TUB: variants seen among roughly 807,000 people sequenced by gnomAD.
The protein encoded by TUB is TUB bipartite transcription factor.
In TUB, 33 loss-of-function variants were observed where a neutral mutation model predicts 59.7. That is an observed-to-expected ratio of 0.55 (90% CI 0.42 to 0.74). The LOEUF is 0.74. Among genes scored for constraint, TUB ranks in the 30% least tolerant of loss-of-function variants. TUB has a pLI of 0.00. For missense variants in TUB, 659 were observed against 672.0 expected (o/e 0.98, Z 0.21); for synonymous variants, 293 against 256.4 (o/e 1.14, Z -1.36).
At chr11:8,045,607 T>C (rs1942819010) in intron 2 of TUB, among the ~76,000 whole-genome samples, 2 of 152,208 alleles carry the variant, frequency 1.3e-5, no homozygotes, top group African/African-American at 4.8e-5. Context: ...GAAGGGCTCA[T>C]TGGAGCATTT....
chr11:8,094,291 C>T (rs1441730381), intron 4 of TUB, 102 bp downstream of exon 4: 2 of 1,409,926 alleles, frequency 1.4e-6, no homozygotes, highest in South Asian at 1.5e-5. Flanking sequence ...ATAGGATGAA[C>T]AGCCTCAGGG....
At chr11:8,049,600 T>G (rs1292662567) in intron 2 of TUB, among the ~76,000 whole-genome samples, 1 of 148,880 alleles carries the variant, frequency 6.7e-6, no homozygotes, top group Admixed American at 6.7e-5. Context: ...GATAGATAGA[T>G]AGATACACAC....
At chr11:8,096,619 A>C in intron 5 of TUB, 66 bp from the exon 6 acceptor site, 1 of 1,047,234 alleles carries the variant, frequency 9.5e-7, no homozygotes, top group Non-Finnish European at 1.5e-6. Flanking sequence ...GTATGTGACC[A>C]TGTGTATTTC....
intron 1 of TUB, among the ~76,000 whole-genome samples, chr11:8,021,902 C>T (rs113622397): frequency 0.039 from 5,543 of 141,484 alleles, 146 homozygotes; most frequent in Non-Finnish European, 0.057. Context: ...GGCAACAGAG[C>T]GAGACTCCAG....
intron 2 of TUB, among the ~76,000 whole-genome samples, chr11:8,066,178 C>T (rs999355935): frequency 2.0e-5 from 3 of 152,182 alleles, no homozygotes; most frequent in African/African-American, 2.4e-5. Flanking sequence ...CTGCAGTTCT[C>T]TCCTCTAGCC....
chr11:8,095,508 G>T lies in TUB; in HGVS notation c.408G>T (p.Gly136=). 6 of 1,610,036 alleles carry T rather than the reference G, an allele frequency of 3.7e-6. No individual in the cohort carries two copies. Among genetic ancestry groups the T allele is most frequent in the Non-Finnish European group, 5.1e-6 (6 of 1,178,012 alleles). The change falls in exon 5 of 12, where the codon GGG becomes GGT. Residue 136 remains glycine, a synonymous_variant. Transcript: ENST00000299506. ...EKKGKHKGTS[G]PAALAEDKSE... is the part of the protein sequence containing the mutation. ...GTCCGTGGCCTGCAGGCACCAGCGG[G>T]CCAGCAGCACTGGCAGAAGACAAGT... is the stretch of plus-strand genomic sequence containing the variant.
At chr11:8,022,600 A>G (rs970432706) in intron 1 of TUB, among the ~76,000 whole-genome samples, 5 of 152,142 alleles carry the variant, frequency 3.3e-5, no homozygotes, top group African/African-American at 1.2e-4. Flanking sequence ...TAAAATAACA[A>G]CTGTTTTGGC....
At chr11:8,096,021 C>A (rs1186218020) in intron 5 of TUB, among the ~76,000 whole-genome samples, 1 of 152,216 alleles carries the variant, frequency 6.6e-6, no homozygotes, top group Non-Finnish European at 1.5e-5. Flanking sequence ...ACAAGCCCTG[C>A]CCTAGGGAGC....
intron 1 of TUB, among the ~76,000 whole-genome samples, chr11:8,025,914 T>C (rs1330499106): frequency 6.6e-6 from 1 of 152,198 alleles, no homozygotes; most frequent in African/African-American, 2.4e-5. Flanking sequence ...GGTTGGACCA[T>C]TTTATATTCT....
chr11:8,098,645 C>A, intron 8 of TUB, 113 bp from the exon 9 acceptor site: 1 of 767,702 alleles, frequency 1.3e-6, no homozygotes, highest in Non-Finnish European at 2.2e-6. Flanking sequence ...CCTGGGCCTG[C>A]TCCTGTTCCA....
At chr11:8,070,400 A>G (rs1291472684) in intron 2 of TUB, among the ~76,000 whole-genome samples, 1 of 152,050 alleles carries the variant, frequency 6.6e-6, no homozygotes, top group Non-Finnish European at 1.5e-5. Flanking sequence ...TGTAAATGAG[A>G]TCTTTTTCAT....
At chr11:8,059,978 G>A (rs989258394) in intron 2 of TUB, 2 of 152,606 alleles carry the variant, frequency 1.3e-5, no homozygotes, top group Admixed American at 1.3e-4. Context: ...GCGAGATGAG[G>A]AGGGTTAGGG....
chr11:8,030,581 G>A (rs1328413275), intron 1 of TUB, among the ~76,000 whole-genome samples: 1 of 152,202 alleles, frequency 6.6e-6, no homozygotes, highest in Non-Finnish European at 1.5e-5. Context: ...GTGTTGGGGA[G>A]TGGGGTTCAG....
At chr11:8,099,274 A>G (rs934141706) in intron 9 of TUB, among the ~76,000 whole-genome samples, 2 of 152,042 alleles carry the variant, frequency 1.3e-5, no homozygotes, top group East Asian at 3.9e-4. Context: ...GGTAGATCCT[A>G]TTTTCTTTAT....
intron 1 of TUB, among the ~76,000 whole-genome samples, chr11:8,089,355 C>T (rs568187183): frequency 5.9e-5 from 9 of 152,228 alleles, no homozygotes; most frequent in South Asian, 2.1e-4. Flanking sequence ...GGGTCTCATC[C>T]GGTATTTACT....
intron 9 of TUB, among the ~76,000 whole-genome samples, chr11:8,099,652 CAG>C (rs2133897033): frequency 6.6e-6 from 1 of 152,284 alleles, no homozygotes; most frequent in East Asian, 1.9e-4. Flanking sequence ...AGCTATGAAA[CAG>C]ATCTATCAGT....
intron 2 of TUB, among the ~76,000 whole-genome samples, chr11:8,049,655 TTTA>T (rs1942902781): frequency 6.6e-6 from 1 of 151,380 alleles, no homozygotes; most frequent in Non-Finnish European, 1.5e-5. Context: ...ATTGTGTAAT[TTTA>T]TTATGTAATT....
chr11:8,100,028 C>T (rs1944197312), intron 9 of TUB, among the ~76,000 whole-genome samples: 1 of 152,146 alleles, frequency 6.6e-6, no homozygotes, highest in Non-Finnish European at 1.5e-5. Context: ...CTTAATGTGC[C>T]TGAGCACTGG....
At chr11:8,079,531 C>T (rs4570614), upstream of TUB, among the ~76,000 whole-genome samples, 58,742 of 152,012 alleles carry the variant, frequency 0.39, 11,559 homozygotes, top group East Asian at 0.46. Flanking sequence ...GTGACAGTGA[C>T]AGCTCTTGGA....
Sources: gnomAD v4.1 joint callset for allele counts (sites outside exome capture counted in the v4.1 genomes callset) on GRCh38, gnomAD v4.1.1 for gene constraint, MANE v1.5 for transcripts, NCBI Gene and HGNC (gene_info 2026-07-23, HGNC 2026-07-21) for gene names.